Variants in RHOU observed in about 807,000 individuals in gnomAD.
RHOU encodes rho-related GTP-binding protein RhoU.
Under a neutral mutation model 12.6 loss-of-function variants are expected in RHOU, and 8 were observed. The ratio of observed to expected loss-of-function variants is 0.64; its 90% confidence interval spans 0.37 to 1.15. The LOEUF (loss-of-function observed/expected upper bound fraction) is 1.15, where lower values mean the gene tolerates loss of function less well. Among genes scored for constraint, RHOU ranks in the 50% most tolerant of loss-of-function variants. The pLI is 0.01. For missense variants in RHOU, 258 were observed against 347.0 expected, an observed-to-expected ratio of 0.74 and a Z score of 2.04; for synonymous variants, 161 against 147.4, an observed-to-expected ratio of 1.09 and a Z score of -0.67.
At chr1:228,664,880 G>A in the RHOU span, among the ~76,000 whole-genome samples, 24 of 152,034 alleles carry the variant, frequency 1.6e-4, no homozygotes, top group African/African-American at 4.8e-4. Context: ...GTGATCCACC[G>A]ACCTCAGGTG....
At chr1:228,697,455 G>A in the RHOU span, among the ~76,000 whole-genome samples, 1 of 152,208 alleles carries the variant, frequency 6.6e-6, no homozygotes, top group African/African-American at 2.4e-5. Flanking sequence ...GCATCTGCTT[G>A]CTTGGTTGAC....
the RHOU span, among the ~76,000 whole-genome samples, chr1:228,703,753 C>A: frequency 5.7e-3 from 874 of 152,202 alleles, 8 homozygotes; most frequent in African/African-American, 0.02. Context: ...AATCTGAGGG[C>A]CTACTTTTTA....
chr1:228,695,058 C>T, the RHOU span, among the ~76,000 whole-genome samples: 4 of 152,142 alleles, frequency 2.6e-5, no homozygotes, highest in Non-Finnish European at 5.9e-5. Context: ...CAACCTCCGC[C>T]TCCCAGGCTC....
the RHOU span, among the ~76,000 whole-genome samples, chr1:228,676,291 G>T: frequency 6.6e-6 from 1 of 152,086 alleles, no homozygotes; most frequent in South Asian, 2.1e-4. Flanking sequence ...TATTTTAAAT[G>T]CCTCTCTGGG....
chr1:228,717,193 A>G, the RHOU span, among the ~76,000 whole-genome samples: 1 of 152,200 alleles, frequency 6.6e-6, no homozygotes, highest in Non-Finnish European at 1.5e-5. Flanking sequence ...AAAGAATTTG[A>G]GATCTTTCAA....
chr1:228,715,316 AT>A, the RHOU span, among the ~76,000 whole-genome samples: 1 of 152,008 alleles, frequency 6.6e-6, no homozygotes, highest in Non-Finnish European at 1.5e-5. Flanking sequence ...CTGTGTTTTA[AT>A]TATCAATATG....
At chr1:228,690,758 C>T in the RHOU span, among the ~76,000 whole-genome samples, 2 of 152,116 alleles carry the variant, frequency 1.3e-5, no homozygotes, top group Non-Finnish European at 2.9e-5. Context: ...GCTGAGATTA[C>T]AGGCGCCCAC....
At chr1:228,711,769 A>ACACCAAAAGCAATGG in the RHOU span, among the ~76,000 whole-genome samples, 1 of 149,182 alleles carries the variant, frequency 6.7e-6, no homozygotes, top group African/African-American at 2.4e-5. Context: ...CATGTCTAAA[A>ACACCAAAAGCAATGG]CACCAAAAGC....
chr1:228,743,394 T>G lies in RHOU; in HGVS notation c.431T>G (p.Val144Gly). 6.2e-7 allele frequency: 1 copy of G among 1,614,160 alleles called. No homozygotes were observed. The highest frequency in any genetic ancestry group is 8.5e-7 in the Non-Finnish European group (1 of 1,180,034). ...SSFQNVSEKW[V>G]PEIRCHCPKA... Reference sequence around the variant, plus strand: ...TTCCAGAACGTCAGTGAGAAATGGGTGCCGGAGATTCGATGCCACTGTCCC... The same window carrying G: ...TTCCAGAACGTCAGTGAGAAATGGGGGCCGGAGATTCGATGCCACTGTCCC... Residue 144 changes from valine to glycine, a missense_variant, in exon 3 of 3, where the codon GTG (valine) becomes GGG (glycine). Coordinates refer to ENST00000366691, the MANE Select transcript of RHOU (RefSeq NM_021205.6). The surrounding 1 kb of genome is among the most constrained non-coding windows in gnomAD (Gnocchi z 5.1).
chr1:228,657,197 A>G, the RHOU span, among the ~76,000 whole-genome samples: 1 of 147,706 alleles, frequency 6.8e-6, no homozygotes, highest in Non-Finnish European at 1.5e-5. Flanking sequence ...GAATCGCTTC[A>G]ACCCAGGAGG....
chr1:228,710,828 A>C, the RHOU span, among the ~76,000 whole-genome samples: 3 of 152,192 alleles, frequency 2.0e-5, no homozygotes, highest in African/African-American at 7.2e-5. Flanking sequence ...AGGCAGGAGA[A>C]GGAAATAAAG....
chr1:228,671,712 C>CAAAAAAAAAAA, the RHOU span, among the ~76,000 whole-genome samples: 1 of 65,244 alleles, frequency 1.5e-5, no homozygotes, highest in African/African-American at 4.5e-5. Flanking sequence ...GACTCCATCT[C>CAAAAAAAAAAA]AAAAAAAAAA....
rs1044033626 is a variant in RHOU at position 228,744,465 on chromosome 1, C to G, written c.*725C>G. 3.3e-5 allele frequency: 5 copies of G among 152,204 alleles called. No individual in the cohort carries two copies. Among genetic ancestry groups the G allele is most frequent in the African/African-American group, 1.2e-4 (5 of 41,444 alleles). The allele number at this position is 152,204 out of a possible 1,614,324, so 9.4% of individuals were successfully genotyped here. A position where few individuals can be genotyped will look rare whatever the true frequency, so the allele number is the denominator to read the frequency against. Reference sequence around the variant, plus strand: ...AGACAAAGTGCTATGCGGAGGAAAGCAAGTGTTGGTCAGTAGTTTCATGTT... The same window carrying G: ...AGACAAAGTGCTATGCGGAGGAAAGGAAGTGTTGGTCAGTAGTTTCATGTT... On this transcript the variant is annotated 3_prime_UTR_variant, in exon 3 of 3. Coordinates refer to ENST00000366691, the MANE Select transcript of RHOU (RefSeq NM_021205.6).
chr1:228,691,607 A>G, the RHOU span, among the ~76,000 whole-genome samples: 1 of 152,156 alleles, frequency 6.6e-6, no homozygotes, highest in Non-Finnish European at 1.5e-5. Flanking sequence ...GTGATGAATG[A>G]TATTCAGGAT....
At chr1:228,671,436 G>T in the RHOU span, among the ~76,000 whole-genome samples, 3,275 of 152,010 alleles carry the variant, frequency 0.022, 122 homozygotes, top group African/African-American at 0.075. Flanking sequence ...ATGACAATCG[G>T]CCGGGGGTGG....
chr1:228,657,531 C>T, the RHOU span, among the ~76,000 whole-genome samples: 13 of 151,956 alleles, frequency 8.6e-5, no homozygotes, highest in African/African-American at 1.7e-4. Context: ...AAATATATGA[C>T]GCAAAACCTG....
the RHOU span, among the ~76,000 whole-genome samples, chr1:228,696,179 T>TCTTTCCC: frequency 7.2e-5 from 11 of 151,994 alleles, no homozygotes; most frequent in Admixed American, 2.0e-4. Context: ...CCTGCTTTTC[T>TCTTTCCC]CTTTCCCCTC....
the RHOU span, among the ~76,000 whole-genome samples, chr1:228,678,069 G>A: frequency 2.0e-5 from 3 of 152,248 alleles, no homozygotes; most frequent in East Asian, 3.9e-4. Context: ...TCCTGGGCAG[G>A]GGCAAATCCC....
the RHOU span, among the ~76,000 whole-genome samples, chr1:228,683,551 C>A: frequency 6.6e-6 from 1 of 152,052 alleles, no homozygotes; most frequent in Non-Finnish European, 1.5e-5. Flanking sequence ...TTTTTGAGTT[C>A]TTGATTTAAT....
Sources: allele counts gnomAD v4.1 joint callset (sites outside exome capture counted in the v4.1 genomes callset), GRCh38; gene constraint gnomAD v4.1.1; non-coding constraint Gnocchi (gnomAD v3.1); transcripts MANE v1.5; gene names NCBI Gene and HGNC (gene_info 2026-07-23, HGNC 2026-07-21).